The following PLEKHA6 variants were observed in gnomAD, a reference collection of about 807,000 sequenced individuals.
PLEKHA6 encodes the protein pleckstrin homology domain-containing family A member 6.
A neutral mutation model predicts 116.7 loss-of-function variants in PLEKHA6; 60 were observed. The ratio of observed to expected loss-of-function variants is 0.51; its 90% CI spans 0.42 to 0.64. The LOEUF (loss-of-function observed/expected upper bound fraction) is 0.64, where lower values mean the gene tolerates loss of function less well. PLEKHA6 is among the 30% of genes least tolerant of loss of function. The pLI is 0.00. For synonymous variants in PLEKHA6, 489 were observed against 556.1 expected, an observed-to-expected ratio of 0.88 and a Z score of 1.70; for missense variants, 1,338 against 1,422.7, an observed-to-expected ratio of 0.94 and a Z score of 0.96.
intron 1 of PLEKHA6, among the ~76,000 whole-genome samples, chr1:204,319,780 G>A (rs1482830565): frequency 1.3e-5 from 2 of 152,146 alleles, no homozygotes; most frequent in Non-Finnish European, 2.9e-5. Flanking sequence ...AATATTTGGG[G>A]AAGAAAGGGA....
intron 1 of PLEKHA6, chr1:204,301,282 C>T (rs1572132105): frequency 2.0e-6 from 2 of 977,712 alleles, no homozygotes; most frequent in Non-Finnish European, 2.4e-6. Flanking sequence ...AAGCACTTGC[C>T]TCATCACCAG....
At position 204,228,927 on chromosome 1, in the gene PLEKHA6, C is replaced by T; in HGVS notation, c.2751+10G>A. ...AGTCTCCCACTACAGCCCTTCCTGGCTCCACTCACCTCCTTATTGATGTCC... is the reference window on the plus strand; with the variant it reads ...AGTCTCCCACTACAGCCCTTCCTGGTTCCACTCACCTCCTTATTGATGTCC... On this transcript the variant is annotated intron_variant, in intron 19 of 22. Transcript: ENST00000272203. This position sits in a 1 kb window ranked among gnomAD's most constrained non-coding sequence, Gnocchi z 4.0. 6.2e-7 allele frequency: 1 copy of T among 1,614,126 alleles called. No individual in the cohort carries two copies. Among genetic ancestry groups the T allele is most frequent in the Non-Finnish European group, 8.5e-7 (1 of 1,180,008 alleles).
intron 17 of PLEKHA6, among the ~76,000 whole-genome samples, chr1:204,233,533 G>C (rs1304511665): frequency 6.6e-6 from 1 of 152,050 alleles, no homozygotes; most frequent in Non-Finnish European, 1.5e-5. Context: ...TAGAGACATG[G>C]TTTCACCATG....
intron 1 of PLEKHA6, among the ~76,000 whole-genome samples, chr1:204,318,115 T>G (rs193246301): frequency 1.4e-3 from 212 of 152,284 alleles, no homozygotes; most frequent in African/African-American, 4.7e-3. Flanking sequence ...AGTCACTATG[T>G]GGGAGAAGCT....
intron 1 of PLEKHA6, among the ~76,000 whole-genome samples, chr1:204,300,784 T>C (rs776039709): frequency 4.6e-5 from 7 of 152,240 alleles, no homozygotes; most frequent in Non-Finnish European, 8.8e-5. Context: ...AATGGACAAG[T>C]TATTGATCCT....
rs1029709499 is a variant in PLEKHA6 at position 204,313,539 on chromosome 1, A to G, written c.-94-38730T>C. On this transcript the variant is annotated intron_variant, in intron 1 of 22. Transcript: ENST00000272203. ...CTCACACAAGATGTTACTATTGAAG[A>G]AAGAAGCTGACCTTGAGGCTACTGC... The G allele has an allele frequency of 4.1e-6, 4 of 983,438 alleles. No homozygotes were observed. The African/African-American group carries it at 7.0e-5, about 17-fold the overall frequency. 60.9% of individuals were successfully genotyped at this position (983,438 alleles called of 1,614,324 possible). A position where few individuals can be genotyped will look rare whatever the true frequency, so the allele number is the denominator to read the frequency against.
chr1:204,359,340 G>A (rs1192474319), intron 1 of PLEKHA6, among the ~76,000 whole-genome samples: 1 of 152,134 alleles, frequency 6.6e-6, no homozygotes, highest in East Asian at 1.9e-4. Context: ...AAGGGAGGGT[G>A]GGCTGGCCTC....
intron 1 of PLEKHA6, among the ~76,000 whole-genome samples, chr1:204,285,454 T>G (rs540170252): frequency 7.7e-6 from 1 of 130,122 alleles, no homozygotes; most frequent in Admixed American, 8.0e-5. Context: ...TTGTTGTTGT[T>G]GTTGGTTTTT....
rs78442180 is a variant in PLEKHA6, at chr1:204,242,379, C to G, written c.2173-565G>C. Among the ~76,000 whole-genome samples the G allele has an allele frequency of 8.1e-3, 1,236 of 152,306 alleles. 75 individuals are homozygous for G. The East Asian group carries it at 0.17, about 21-fold the overall frequency. On this transcript the variant is annotated intron_variant, in intron 15 of 22. Coordinates refer to ENST00000272203, the MANE Select transcript of PLEKHA6 (RefSeq NM_014935.5). ...AGACCAGGCTAAAGGTCAGCAGCTC[C>G]AGTTCTAGCCCAACTAGAGAACAGA...
In PLEKHA6 at chr1:204,223,759, G is replaced by A. The variant is rs1013324832; in HGVS notation, c.3032-174C>T. On this transcript the variant is annotated intron_variant, in intron 21 of 22. Transcript: ENST00000272203. This position sits in a 1 kb window ranked among gnomAD's most constrained non-coding sequence, Gnocchi z 4.8. ...GCCAAGCTGTCCTCATTCCCAGGGC[G>A]TCGTGGAGGAGAGTGTGAGGCCCCA... is the stretch of plus-strand genomic sequence containing the variant. 5.3e-5 allele frequency among the ~76,000 whole-genome samples: 8 copies of A among 152,268 alleles called. No individual in the cohort carries two copies. Among genetic ancestry groups the A allele is most frequent in the South Asian group, 2.1e-4 (1 of 4,818 alleles).
intron 1 of PLEKHA6, among the ~76,000 whole-genome samples, chr1:204,345,286 T>A (rs1672996685): frequency 6.6e-6 from 1 of 151,794 alleles, no homozygotes; most frequent in Admixed American, 6.5e-5. Context: ...CTAGACACTC[T>A]CTGTCTCCAT....
intron 1 of PLEKHA6, among the ~76,000 whole-genome samples, chr1:204,317,521 C>T (rs939942683): frequency 5.3e-5 from 8 of 151,964 alleles, no homozygotes; most frequent in African/African-American, 1.7e-4. Context: ...ATCTCAGAGC[C>T]CCACCAACAC....
At chr1:204,262,467 C>G (rs1049758089) in intron 6 of PLEKHA6, among the ~76,000 whole-genome samples, 1 of 152,120 alleles carries the variant, frequency 6.6e-6, no homozygotes, top group Non-Finnish European at 1.5e-5. Context: ...AGCACACTTC[C>G]CAGTGAGATC....
chr1:204,248,815 G>T lies in PLEKHA6; in HGVS notation c.1824+6C>A. ...TGGGGTGCACGAACCCCGCTCCCTG[G>T]GTTACCGTGGTCGCCTGAGACAGCT... is the stretch of plus-strand genomic sequence containing the variant. On this transcript the variant is annotated splice_donor_region_variant and intron_variant, in intron 12 of 22. Coordinates refer to ENST00000272203, the MANE Select transcript of PLEKHA6 (RefSeq NM_014935.5). 1 of 1,613,218 alleles carries T rather than the reference G, an allele frequency of 6.2e-7. No homozygotes were observed.
intron 1 of PLEKHA6, among the ~76,000 whole-genome samples, chr1:204,324,583 T>C (rs938619914): frequency 4.6e-5 from 7 of 152,178 alleles, no homozygotes; most frequent in African/African-American, 1.7e-4. Context: ...AGGTTGAGTT[T>C]CTCTGACAAA....
intron 1 of PLEKHA6, among the ~76,000 whole-genome samples, chr1:204,348,078 G>GT (rs1380231024): frequency 6.6e-6 from 1 of 152,070 alleles, no homozygotes; most frequent in African/African-American, 2.4e-5. Flanking sequence ...ACCCTGGCCT[G>GT]TAACACCACA....
chr1:204,258,909 C>T (rs1005792069), intron 8 of PLEKHA6, among the ~76,000 whole-genome samples: 5 of 152,194 alleles, frequency 3.3e-5, no homozygotes, highest in African/African-American at 7.2e-5. Context: ...TAGGAGGGCC[C>T]ATAGCTTGGA....
At chr1:204,251,654 A>T (rs1558065985) in intron 9 of PLEKHA6, 1 of 697,602 alleles carries the variant, frequency 1.4e-6, no homozygotes, top group Non-Finnish European at 2.6e-6. Flanking sequence ...TCCGACCTAC[A>T]TGTAGGTATC....
chr1:204,223,427 C>T lies in PLEKHA6; in HGVS notation c.*8+35G>A, dbSNP rs1023477627. 2 of 1,228,508 alleles carry T rather than the reference C, an allele frequency of 1.6e-6. No individual in the cohort carries two copies. The highest frequency in any genetic ancestry group is 4.0e-5 in the Admixed American group (2 of 50,574). The allele number at this position is 1,228,508 out of a possible 1,614,324, so 76.1% of individuals were successfully genotyped here. A position where few individuals can be genotyped will look rare whatever the true frequency, so the allele number is the denominator to read the frequency against. Reference sequence around the variant, plus strand: ...GGGGGTGAAGGAAGGGGCCCCACTCCCGAGGTGGATGAAATACAGTAGAAA... The same window carrying T: ...GGGGGTGAAGGAAGGGGCCCCACTCTCGAGGTGGATGAAATACAGTAGAAA... On this transcript the variant is annotated intron_variant, in intron 22 of 22. Transcript: ENST00000272203. The surrounding 1 kb of genome is among the most constrained non-coding windows in gnomAD (Gnocchi z 4.8).
Sources: allele counts gnomAD v4.1 joint callset (sites outside exome capture counted in the v4.1 genomes callset), GRCh38; gene constraint gnomAD v4.1.1; non-coding constraint Gnocchi (gnomAD v3.1); transcripts MANE v1.5; gene names NCBI Gene and HGNC (gene_info 2026-07-23, HGNC 2026-07-21).